ZNF695: variants seen among roughly 807,000 people sequenced by gnomAD.
ZNF695 encodes zinc finger protein SBZF3.
Under a neutral mutation model 11.2 loss-of-function variants are expected in ZNF695, and 11 were observed. The observed-to-expected ratio is 0.98, with a 90% CI of 0.62 to 1.62. The LOEUF is 1.62. Among genes scored for constraint, ZNF695 ranks in the 40% most tolerant of loss-of-function variants. ZNF695 has a pLI of 0.00. For missense variants in ZNF695, 559 were observed against 590.5 expected, an observed-to-expected ratio of 0.95 and a Z score of 0.55; for synonymous variants, 190 against 201.4, an observed-to-expected ratio of 0.94 and a Z score of 0.48.
chr1:246,983,070 G>A (rs1469942560), downstream of ZNF695, among the ~76,000 whole-genome samples: 3 of 152,010 alleles, frequency 2.0e-5, no homozygotes, highest in Admixed American at 6.6e-5. Flanking sequence ...CGGGTGTGGT[G>A]GCGGGCGCCT....
chr1:246,989,423 AAG>A (rs1668959559), intron 3 of ZNF695, among the ~76,000 whole-genome samples: 1 of 152,214 alleles, frequency 6.6e-6, no homozygotes, highest in Non-Finnish European at 1.5e-5. Context: ...TTTTTATGCA[AAG>A]AGTGTTAGGT....
chr1:246,973,821 A>T (rs565677451), intron 4 of ZNF695, among the ~76,000 whole-genome samples: 1 of 152,224 alleles, frequency 6.6e-6, no homozygotes, highest in African/African-American at 2.4e-5. Flanking sequence ...GGTCTGATGG[A>T]CTCCACAGCT....
intron 5 of ZNF695, among the ~76,000 whole-genome samples, chr1:246,951,141 C>T (rs1667861355): frequency 6.6e-6 from 1 of 151,566 alleles, no homozygotes; most frequent in Non-Finnish European, 1.5e-5. Context: ...CAGTATGTGT[C>T]ATTATGTCAT....
At chr1:246,984,487 T>C (rs1421953366), downstream of ZNF695, among the ~76,000 whole-genome samples, 24 of 152,180 alleles carry the variant, frequency 1.6e-4, no homozygotes, top group Admixed American at 1.6e-3. Context: ...TTCCAATCTC[T>C]TACCTGGAGC....
At chr1:247,002,119 CTG>C (rs1669405409) in intron 1 of ZNF695, among the ~76,000 whole-genome samples, 1 of 151,964 alleles carries the variant, frequency 6.6e-6, no homozygotes, top group Non-Finnish European at 1.5e-5. Context: ...AAAAAAAAAA[CTG>C]TTATCACACC....
At chr1:246,962,270 C>G (rs1417797529) in intron 5 of ZNF695, among the ~76,000 whole-genome samples, 1 of 152,202 alleles carries the variant, frequency 6.6e-6, no homozygotes, top group Non-Finnish European at 1.5e-5. Context: ...GCTTTGTGCC[C>G]CATCAGCACT....
chr1:246,947,732 T>C (rs960841452), intron 5 of ZNF695, among the ~76,000 whole-genome samples: 5 of 152,160 alleles, frequency 3.3e-5, no homozygotes, highest in African/African-American at 1.2e-4. Flanking sequence ...AGACATCACT[T>C]GTTTTATTTT....
intron 4 of ZNF695, among the ~76,000 whole-genome samples, chr1:246,974,843 A>T (rs961452655): frequency 3.3e-5 from 5 of 152,042 alleles, no homozygotes; most frequent in Admixed American, 2.0e-4. Flanking sequence ...TCTCCTGCTG[A>T]CCCACCGCCA....
At chr1:246,966,402 A>AAAGAGATTTAAT (rs1558306858) in intron 5 of ZNF695, among the ~76,000 whole-genome samples, 6 of 151,706 alleles carry the variant, frequency 4.0e-5, no homozygotes, top group Non-Finnish European at 8.8e-5. Flanking sequence ...AATTACTTGA[A>AAAGAGATTTAAT]CCTCAGAGGT....
In ZNF695 at chr1:246,974,643, G is replaced by A. The variant is rs534139810; in HGVS notation, c.391-6851C>T. ...GGCATAATGGAAGAGTAATACTCAG[G>A]TGAGAGGGAGAGAAGGAGAAGCCTT... is the stretch of plus-strand genomic sequence containing the variant. On this transcript the variant is annotated intron_variant, in intron 4 of 5. Coordinates refer to the ZNF695 transcript ENST00000487338. Among the ~76,000 whole-genome samples, 10 of 152,288 alleles carry A rather than the reference G, an allele frequency of 6.6e-5. No individual in the cohort carries two copies. In the South Asian group the frequency reaches 2.1e-3, roughly 32 times the overall value.
downstream of ZNF695, among the ~76,000 whole-genome samples, chr1:246,983,319 G>A (rs866137456): frequency 8.5e-5 from 13 of 152,184 alleles, no homozygotes; most frequent in Admixed American, 1.3e-4. Context: ...AGGAGCTTGA[G>A]ATCAGCCTGG....
chr1:246,955,869 G>A (rs1412863965), intron 5 of ZNF695, among the ~76,000 whole-genome samples: 1 of 152,072 alleles, frequency 6.6e-6, no homozygotes, highest in African/African-American at 2.4e-5. Flanking sequence ...AACTCCCTGG[G>A]TAGACAACGG....
downstream of ZNF695, among the ~76,000 whole-genome samples, chr1:246,981,914 A>T (rs1668720309): frequency 6.6e-6 from 1 of 152,240 alleles, no homozygotes; most frequent in Non-Finnish European, 1.5e-5. Context: ...TGCCAACTGC[A>T]CCCAATGAAA....
chr1:246,969,854 C>G (rs1256023917), intron 4 of ZNF695, among the ~76,000 whole-genome samples: 1 of 152,168 alleles, frequency 6.6e-6, no homozygotes, highest in Non-Finnish European at 1.5e-5. Flanking sequence ...CATTCTTAAA[C>G]AACCAGATCT....
intron 4 of ZNF695, chr1:246,969,693 G>A (rs192599645): frequency 6.6e-6 from 1 of 152,336 alleles, no homozygotes; most frequent in Non-Finnish European, 1.5e-5. Flanking sequence ...AAGGAAAAGA[G>A]ATTTAGTCAG....
chr1:246,966,939 T>C (rs1364261924), intron 5 of ZNF695: 1 of 430,366 alleles, frequency 2.3e-6, no homozygotes, highest in African/African-American at 2.1e-5. Context: ...TTACTTTTTT[T>C]GTTGTTTTTA....
At chr1:246,953,128 T>C (rs1320878527) in intron 5 of ZNF695, among the ~76,000 whole-genome samples, 1 of 152,146 alleles carries the variant, frequency 6.6e-6, no homozygotes, top group East Asian at 1.9e-4. Flanking sequence ...TATTTTCTTG[T>C]CATACGCTCA....
At chr1:246,984,323 G>C (rs1668793417), downstream of ZNF695, among the ~76,000 whole-genome samples, 1 of 147,558 alleles carries the variant, frequency 6.8e-6, no homozygotes, top group South Asian at 2.2e-4. Context: ...GAATGCATAA[G>C]TAGTTGAGAA....
chr1:246,972,048 C>T (rs1329862781), intron 4 of ZNF695, among the ~76,000 whole-genome samples: 3 of 152,154 alleles, frequency 2.0e-5, no homozygotes, highest in African/African-American at 2.4e-5. Context: ...GACAACTTGC[C>T]CCTGAGGGCA....
Sources: gnomAD v4.1 joint callset for allele counts (sites outside exome capture counted in the v4.1 genomes callset) on GRCh38, gnomAD v4.1.1 for gene constraint, MANE v1.5 for transcripts, NCBI Gene and HGNC (gene_info 2026-07-23, HGNC 2026-07-21) for gene names.